OPCML: variants seen among roughly 807,000 people sequenced by gnomAD.
The protein encoded by OPCML is opioid-binding protein/cell adhesion molecule.
OPCML carries 13 observed loss-of-function variants against 37.8 expected under a neutral mutation model. That is an observed-to-expected ratio of 0.34 (90% CI 0.22 to 0.55). The LOEUF (loss-of-function observed/expected upper bound fraction) is 0.55. OPCML is among the 20% of genes least tolerant of loss of function. The pLI, the probability that OPCML is intolerant of heterozygous loss-of-function variation, is 0.91. For missense variants in OPCML, 341 were observed against 435.6 expected (o/e 0.78, Z 1.93); for synonymous variants, 176 against 168.8 (o/e 1.04, Z -0.33).
intron 2 of OPCML, among the ~76,000 whole-genome samples, chr11:132,908,797 G>A (rs1482346799): frequency 6.6e-6 from 1 of 152,246 alleles, no homozygotes. Context: ...GATGATAGAG[G>A]AGCCTCAGAC....
At chr11:133,480,939 AT>A (rs1417543780) in intron 1 of OPCML, among the ~76,000 whole-genome samples, 1 of 152,204 alleles carries the variant, frequency 6.6e-6, no homozygotes, top group Non-Finnish European at 1.5e-5. Flanking sequence ...TGCTGGAATT[AT>A]TTTCCACTTA....
intron 1 of OPCML, among the ~76,000 whole-genome samples, chr11:133,445,452 T>C (rs896750694): frequency 4.6e-5 from 7 of 152,200 alleles, no homozygotes; most frequent in Admixed American, 1.3e-4. Context: ...GAAGTAATAA[T>C]GGCACCTGCC....
intron 2 of OPCML, among the ~76,000 whole-genome samples, chr11:132,929,760 A>G (rs1945133809): frequency 6.6e-6 from 1 of 152,214 alleles, no homozygotes; most frequent in Admixed American, 6.5e-5. Context: ...TGGTTCATCA[A>G]TGAATATACC....
chr11:133,188,930 T>G (rs1456392446), intron 1 of OPCML, among the ~76,000 whole-genome samples: 3 of 152,168 alleles, frequency 2.0e-5, no homozygotes, highest in Non-Finnish European at 4.4e-5. Flanking sequence ...CATTTACTAC[T>G]AGCCAGGTGA....
chr11:133,264,926 C>A (rs929218683), intron 1 of OPCML, among the ~76,000 whole-genome samples: 2 of 152,142 alleles, frequency 1.3e-5, no homozygotes, highest in African/African-American at 4.8e-5. Context: ...CTTCTACCAC[C>A]TTTACAGGTT....
chr11:133,501,381 C>A (rs1474394734), intron 1 of OPCML, among the ~76,000 whole-genome samples: 6 of 152,190 alleles, frequency 3.9e-5, no homozygotes, highest in African/African-American at 1.4e-4. Context: ...CTGGTTTATG[C>A]TTTCATGGTC....
At chr11:133,266,516 A>G (rs916177241) in intron 1 of OPCML, among the ~76,000 whole-genome samples, 6 of 152,198 alleles carry the variant, frequency 3.9e-5, no homozygotes, top group South Asian at 2.1e-4. Flanking sequence ...TGTTGTTGTC[A>G]CTGCCATTTG....
In OPCML at chr11:133,112,043, G is replaced by A. The variant is rs948697873; in HGVS notation, c.62-169033C>T. On this transcript the variant is annotated intron_variant, in intron 1 of 7. Coordinates refer to ENST00000524381, the MANE Select transcript of OPCML (RefSeq NM_001012393.5). ...TGTCCTGTACATCCACCTTCACGCTGGTTCTTAGAAAATATATTGCCAGGA... is the reference window on the plus strand; with the variant it reads ...TGTCCTGTACATCCACCTTCACGCTAGTTCTTAGAAAATATATTGCCAGGA... Among the ~76,000 whole-genome samples, 11 of 151,970 alleles carry A rather than the reference G, an allele frequency of 7.2e-5. No individual in the cohort carries two copies. In the East Asian group the frequency reaches 1.9e-3, roughly 27 times the overall value.
chr11:132,568,053 C>CGT (rs1008607501), intron 3 of OPCML, among the ~76,000 whole-genome samples: 76 of 140,100 alleles, frequency 5.4e-4, no homozygotes, highest in Middle Eastern at 3.6e-3. Context: ...CGCGCGCGCG[C>CGT]GTGTGTGTGT....
intron 1 of OPCML, among the ~76,000 whole-genome samples, chr11:133,132,555 C>T (rs542326258): frequency 6.6e-5 from 10 of 152,100 alleles, no homozygotes; most frequent in South Asian, 4.1e-4. Flanking sequence ...TGAAGGTATA[C>T]GCTAATATTC....
chr11:132,992,862 A>C (rs913830618), intron 1 of OPCML, among the ~76,000 whole-genome samples: 2 of 152,204 alleles, frequency 1.3e-5, no homozygotes, highest in South Asian at 2.1e-4. Flanking sequence ...TTACCAGCAG[A>C]AGATTATTGG....
chr11:133,512,134 T>C (rs1211051388), intron 1 of OPCML, among the ~76,000 whole-genome samples: 1 of 152,136 alleles, frequency 6.6e-6, no homozygotes, highest in African/African-American at 2.4e-5. Context: ...ACTACTCCAC[T>C]TCAGAGGCCA....
chr11:132,905,493 A>C (rs539231128), intron 2 of OPCML, among the ~76,000 whole-genome samples: 1 of 152,132 alleles, frequency 6.6e-6, no homozygotes, highest in African/African-American at 2.4e-5. Context: ...TCGGCCTCCC[A>C]AAGTGCTGGG....
chr11:133,128,036 C>T (rs182534694), intron 1 of OPCML, among the ~76,000 whole-genome samples: 406 of 152,216 alleles, frequency 2.7e-3, no homozygotes, highest in Non-Finnish European at 4.7e-3. Flanking sequence ...TGACTGTTTT[C>T]CCTTGAGTTT....
intron 1 of OPCML, among the ~76,000 whole-genome samples, chr11:133,230,793 G>C (rs974001671): frequency 2.6e-5 from 4 of 152,184 alleles, no homozygotes; most frequent in African/African-American, 9.7e-5. Flanking sequence ...CTTTCGCAAA[G>C]TGCCGCATTT....
At chr11:132,818,271 A>G (rs1939744721) in intron 2 of OPCML, among the ~76,000 whole-genome samples, 1 of 151,870 alleles carries the variant, frequency 6.6e-6, no homozygotes, top group Non-Finnish European at 1.5e-5. Context: ...TTTTTATTCT[A>G]TTTTCTTCTA....
At chr11:133,287,802 C>T (rs984872223) in intron 1 of OPCML, among the ~76,000 whole-genome samples, 3 of 152,108 alleles carry the variant, frequency 2.0e-5, no homozygotes, top group African/African-American at 4.8e-5. Flanking sequence ...GTCCAGGTAC[C>T]ATGAAGGAAA....
chr11:132,877,801 T>C (rs1036605726), intron 2 of OPCML, among the ~76,000 whole-genome samples: 5 of 152,208 alleles, frequency 3.3e-5, no homozygotes, highest in African/African-American at 9.6e-5. Flanking sequence ...ACTGAAGACC[T>C]AAAATAAACA....
intron 1 of OPCML, among the ~76,000 whole-genome samples, chr11:133,094,439 C>A (rs1401840866): frequency 5.3e-5 from 8 of 152,172 alleles, no homozygotes; most frequent in African/African-American, 1.9e-4. Flanking sequence ...CATAGTCAAC[C>A]TTTCCAGTTG....
Sources: gnomAD v4.1 joint callset for allele counts (sites outside exome capture counted in the v4.1 genomes callset) on GRCh38, gnomAD v4.1.1 for gene constraint, MANE v1.5 for transcripts, NCBI Gene and HGNC (gene_info 2026-07-23, HGNC 2026-07-21) for gene names.